Variants in UBE2W observed in about 807,000 individuals in gnomAD.
UBE2W encodes the protein ubiquitin-conjugating enzyme E2 W.
In UBE2W, 18 loss-of-function variants were observed where a neutral mutation model predicts 27.2. That is an observed-to-expected ratio of 0.66 (90% CI 0.46 to 0.98). The LOEUF (loss-of-function observed/expected upper bound fraction) is 0.98. Among genes scored for constraint, UBE2W ranks in the 50% least tolerant of loss-of-function variants. The pLI is 0.00. For synonymous variants in UBE2W, 53 were observed against 57.2 expected (o/e 0.93, Z 0.33); for missense variants, 90 against 180.2 (o/e 0.50, Z 2.87).
intron 4 of UBE2W, among the ~76,000 whole-genome samples, chr8:73,808,739 A>G (rs1314937176): frequency 6.6e-6 from 1 of 152,330 alleles, no homozygotes; most frequent in East Asian, 1.9e-4. Context: ...GTTAAATATT[A>G]TACAACTATT....
chr8:73,821,003 G>C (rs1029105455), intron 3 of UBE2W, among the ~76,000 whole-genome samples: 7 of 152,106 alleles, frequency 4.6e-5, no homozygotes, highest in African/African-American at 9.7e-5. Flanking sequence ...ATTTCAAAAA[G>C]AGTGAGAATA....
At chr8:73,843,044 C>T (rs937304510) in intron 1 of UBE2W, among the ~76,000 whole-genome samples, 1 of 152,122 alleles carries the variant, frequency 6.6e-6, no homozygotes, top group African/African-American at 2.4e-5. Context: ...ACCTTGAAAA[C>T]ATTATGATGT....
At position 73,787,432 on chromosome 8, in the gene UBE2W, A is replaced by G. The variant is rs1039340460; in HGVS notation, c.*6670T>C. The G allele has an allele frequency of 1.0e-6, 1 of 985,284 alleles. No homozygotes were observed. The highest frequency in any genetic ancestry group is 1.7e-5 in the African/African-American group (1 of 57,238). 61.0% of individuals were successfully genotyped at this position (985,284 alleles called of 1,614,324 possible). On this transcript the variant is annotated 3_prime_UTR_variant, in exon 6 of 6. Transcript: ENST00000602593. The stretch of plus-strand genomic sequence containing the variant: ...TAGAAATTAAGGATTATAATAAAGG[A>G]AAAGGGCATCATCAAAGTACAAAAG...
intron 1 of UBE2W, among the ~76,000 whole-genome samples, chr8:73,853,256 G>A (rs1296421251): frequency 6.6e-6 from 1 of 152,168 alleles, no homozygotes; most frequent in Non-Finnish European, 1.5e-5. Flanking sequence ...CTAAGGTACT[G>A]AGGTATAGCA....
At chr8:73,798,694 G>C (rs934249098) in intron 5 of UBE2W, among the ~76,000 whole-genome samples, 2 of 152,040 alleles carry the variant, frequency 1.3e-5, no homozygotes. Flanking sequence ...TTATTTTTAT[G>C]GTCTCACAAA....
At chr8:73,798,177 G>A (rs1808501267) in intron 5 of UBE2W, among the ~76,000 whole-genome samples, 1 of 152,058 alleles carries the variant, frequency 6.6e-6, no homozygotes, top group Admixed American at 6.6e-5. Flanking sequence ...GTTGTCTGTA[G>A]TCCCAGTTAC....
In UBE2W at chr8:73,789,169, CTG is replaced by C. The variant is rs1234060931; in HGVS notation, c.*4931_*4932del. 1 of 984,714 alleles carries C rather than the reference CTG, an allele frequency of 1.0e-6. No homozygotes were observed. Among genetic ancestry groups the C allele is most frequent in the African/African-American group, 1.8e-5 (1 of 57,040 alleles). 61.0% of individuals were successfully genotyped at this position (984,714 alleles called of 1,614,324 possible). ...TCTAATGATAATGATGTACATAAAC[CTG>C]TCTTAAATCGGCAAACAGACGAGGC... On this transcript the variant is annotated 3_prime_UTR_variant, in exon 6 of 6. Transcript: ENST00000602593.
intron 1 of UBE2W, among the ~76,000 whole-genome samples, chr8:73,856,633 G>A (rs1414162330): frequency 6.6e-6 from 1 of 151,186 alleles, no homozygotes; most frequent in Non-Finnish European, 1.5e-5. Flanking sequence ...GAGATTACAG[G>A]CATGAGCCAC....
intron 3 of UBE2W, among the ~76,000 whole-genome samples, chr8:73,821,509 AGT>A (rs1809608275): frequency 1.2e-5 from 1 of 81,114 alleles, no homozygotes; most frequent in Non-Finnish European, 2.3e-5. Context: ...AGTGAGACAG[AGT>A]GTGTGTGTGG....
chr8:73,813,215 C>A (rs182986339), intron 3 of UBE2W, among the ~76,000 whole-genome samples: 1 of 151,484 alleles, frequency 6.6e-6, no homozygotes, highest in East Asian at 1.9e-4. Context: ...CAATTCAGAG[C>A]ACAAGGAGAA....
At chr8:73,803,417 T>A (rs1484106767) in intron 5 of UBE2W, among the ~76,000 whole-genome samples, 1 of 152,216 alleles carries the variant, frequency 6.6e-6, no homozygotes, top group Admixed American at 6.5e-5. Context: ...AGAGGAACTG[T>A]ATTTCAATGA....
chr8:73,857,362 A>G (rs1461059852), intron 1 of UBE2W, among the ~76,000 whole-genome samples: 1 of 152,240 alleles, frequency 6.6e-6, no homozygotes, highest in Admixed American at 6.5e-5. Context: ...TCTCATACAT[A>G]GAGAACTGAC....
chr8:73,806,080 G>A (rs984516401), intron 4 of UBE2W, among the ~76,000 whole-genome samples: 4 of 151,970 alleles, frequency 2.6e-5, no homozygotes, highest in African/African-American at 4.8e-5. Context: ...GATTGAACCC[G>A]GGAGGCAGAG....
chr8:73,862,120 C>G (rs1176785199), intron 1 of UBE2W, among the ~76,000 whole-genome samples: 1 of 152,136 alleles, frequency 6.6e-6, no homozygotes, highest in Non-Finnish European at 1.5e-5. Flanking sequence ...GAGTCTACAA[C>G]TTTGGCTGCA....
chr8:73,815,636 C>T (rs772826158), intron 3 of UBE2W, among the ~76,000 whole-genome samples: 1 of 152,100 alleles, frequency 6.6e-6, no homozygotes, highest in Admixed American at 6.6e-5. Flanking sequence ...TACTGAAAGG[C>T]CTTATGGTAC....
intron 1 of UBE2W, among the ~76,000 whole-genome samples, chr8:73,845,038 A>AGCCG (rs1810723919): frequency 6.4e-5 from 1 of 15,604 alleles, no homozygotes; most frequent in Admixed American, 8.7e-4. Context: ...CCGGCCAGCC[A>AGCCG]CCCCATCCGG....
chr8:73,804,862 T>C (rs1158140973), intron 5 of UBE2W, among the ~76,000 whole-genome samples: 1 of 151,706 alleles, frequency 6.6e-6, no homozygotes, highest in Non-Finnish European at 1.5e-5. Context: ...TCCAGTGGAA[T>C]TAGCTGCAAG....
intron 5 of UBE2W, among the ~76,000 whole-genome samples, chr8:73,805,016 C>G (rs1253162664): frequency 6.6e-6 from 1 of 152,030 alleles, no homozygotes; most frequent in Admixed American, 6.6e-5. Flanking sequence ...GGCCACCATG[C>G]CTGGGCTCCC....
chr8:73,832,152 T>TATATATATATA (rs1563601356), intron 1 of UBE2W, among the ~76,000 whole-genome samples: 2 of 150,830 alleles, frequency 1.3e-5, no homozygotes, highest in African/African-American at 4.9e-5. Flanking sequence ...TATATATATA[T>TATATATATATA]TAGCCAGGTG....
Sources: allele counts gnomAD v4.1 joint callset (sites outside exome capture counted in the v4.1 genomes callset), GRCh38; gene constraint gnomAD v4.1.1; transcripts MANE v1.5; gene names NCBI Gene and HGNC (gene_info 2026-07-23, HGNC 2026-07-21).